GRID2: variants seen among roughly 807,000 people sequenced by gnomAD.
The protein encoded by GRID2 is glutamate ionotropic receptor delta type subunit 2.
GRID2 carries 33 observed loss-of-function variants against 114.8 expected under a neutral mutation model. The ratio of observed to expected loss-of-function variants is 0.29; its 90% CI spans 0.22 to 0.38. The LOEUF is 0.38. GRID2 is among the 10% of genes least tolerant of loss of function. GRID2 has a pLI of 1.00. For synonymous variants in GRID2, 505 were observed against 449.9 expected (o/e 1.12, Z -1.55); for missense variants, 1,184 against 1,257.7 (o/e 0.94, Z 0.89).
At chr4:92,334,123 A>C (rs1207722310) in intron 1 of GRID2, among the ~76,000 whole-genome samples, 3 of 152,156 alleles carry the variant, frequency 2.0e-5, no homozygotes, top group Non-Finnish European at 4.4e-5. Flanking sequence ...TTGCTACTTT[A>C]TAACAAGGAT....
chr4:93,768,127 A>ACT (rs541982092), intron 14 of GRID2, among the ~76,000 whole-genome samples: 130 of 152,024 alleles, frequency 8.6e-4, no homozygotes, highest in African/African-American at 3.1e-3. Context: ...CTCTGTCCAC[A>ACT]CTCTACAAAC....
At chr4:93,302,491 G>A (rs1251056772) in intron 8 of GRID2, 2 of 445,966 alleles carry the variant, frequency 4.5e-6, no homozygotes, top group East Asian at 7.0e-5. Flanking sequence ...ACTGAGCAAT[G>A]CGAACATAAT....
At chr4:93,524,763 G>GA (rs1394601979) in intron 13 of GRID2, among the ~76,000 whole-genome samples, 1 of 106,022 alleles carries the variant, frequency 9.4e-6, no homozygotes, top group Non-Finnish European at 1.9e-5. Context: ...TAGATGCCAA[G>GA]AAAAAATATA....
At chr4:93,693,601 T>C (rs540781323) in intron 14 of GRID2, among the ~76,000 whole-genome samples, 1 of 152,284 alleles carries the variant, frequency 6.6e-6, no homozygotes, top group Admixed American at 6.5e-5. Flanking sequence ...CTGAGCATGG[T>C]TGAGTGGTAG....
intron 1 of GRID2, among the ~76,000 whole-genome samples, chr4:92,484,593 A>G: frequency 6.6e-6 from 1 of 152,064 alleles, no homozygotes. Flanking sequence ...ATAATTTTAT[A>G]TAATATTTTA....
intron 8 of GRID2, among the ~76,000 whole-genome samples, chr4:93,262,438 T>A (rs1438741045): frequency 2.0e-5 from 3 of 151,956 alleles, no homozygotes; most frequent in Admixed American, 1.3e-4. Context: ...GGCCCAAATA[T>A]GGAGTCTTCA....
At chr4:93,198,357 A>G (rs1328253275) in intron 4 of GRID2, among the ~76,000 whole-genome samples, 1 of 152,122 alleles carries the variant, frequency 6.6e-6, no homozygotes, top group Non-Finnish European at 1.5e-5. Flanking sequence ...TGATCATAGA[A>G]GTCATGCCTG....
intron 1 of GRID2, among the ~76,000 whole-genome samples, chr4:92,429,458 A>C (rs961150531): frequency 1.3e-5 from 2 of 152,112 alleles, no homozygotes; most frequent in Non-Finnish European, 2.9e-5. Flanking sequence ...ATAGTACCCC[A>C]TTCTGTATGT....
intron 2 of GRID2, among the ~76,000 whole-genome samples, chr4:92,888,984 C>T (rs1473685519): frequency 6.6e-6 from 1 of 151,854 alleles, no homozygotes; most frequent in African/African-American, 2.4e-5. Flanking sequence ...CCTTTATCTT[C>T]TCTTATTTAG....
intron 1 of GRID2, among the ~76,000 whole-genome samples, chr4:92,449,511 T>G (rs1287145984): frequency 6.6e-6 from 1 of 151,448 alleles, no homozygotes; most frequent in Non-Finnish European, 1.5e-5. Flanking sequence ...AAATATGTCT[T>G]TTTGGAAAAT....
At chr4:93,004,141 AT>A (rs1721273873) in intron 2 of GRID2, among the ~76,000 whole-genome samples, 1 of 151,952 alleles carries the variant, frequency 6.6e-6, no homozygotes, top group Non-Finnish European at 1.5e-5. Context: ...GACATATCAC[AT>A]TTTAGGAGAG....
chr4:93,000,398 T>A (rs17020070), intron 2 of GRID2, among the ~76,000 whole-genome samples: 2,977 of 151,688 alleles, frequency 0.02, 46 homozygotes, highest in East Asian at 0.053. Flanking sequence ...TTAGATGAAG[T>A]TTCTGATATA....
intron 14 of GRID2, among the ~76,000 whole-genome samples, chr4:93,756,868 T>A (rs1732794641): frequency 6.6e-6 from 1 of 152,218 alleles, no homozygotes. Context: ...ATGAAATACA[T>A]ATTTTAAGAT....
intron 10 of GRID2, among the ~76,000 whole-genome samples, chr4:93,453,166 T>C (rs2149407835): frequency 6.6e-6 from 1 of 151,708 alleles, no homozygotes; most frequent in East Asian, 2.0e-4. Context: ...GCTTGGCCTT[T>C]TTTTAAATTT....
At chr4:92,864,690 T>C (rs1038767879) in intron 2 of GRID2, among the ~76,000 whole-genome samples, 5 of 152,280 alleles carry the variant, frequency 3.3e-5, no homozygotes, top group Middle Eastern at 3.4e-3. Flanking sequence ...CTACTAGGCC[T>C]TTCCATCTGA....
chr4:93,374,036 C>T (rs182986707), intron 8 of GRID2, among the ~76,000 whole-genome samples: 7 of 152,214 alleles, frequency 4.6e-5, no homozygotes, highest in East Asian at 3.9e-4. Flanking sequence ...TGGTTTAAAA[C>T]GCAGCATGCA....
chr4:92,319,400 T>G (rs764561228), intron 1 of GRID2, among the ~76,000 whole-genome samples: 10 of 152,220 alleles, frequency 6.6e-5, no homozygotes, highest in Non-Finnish European at 1.3e-4. Flanking sequence ...TCCAATGGAA[T>G]AGTTCATTTT....
At chr4:93,333,286 G>T (rs552957882) in intron 8 of GRID2, among the ~76,000 whole-genome samples, 1 of 152,238 alleles carries the variant, frequency 6.6e-6, no homozygotes, top group East Asian at 1.9e-4. Context: ...AATGAAGCTT[G>T]AGATACTACA....
At chr4:93,777,107 C>T (rs1441482638), downstream of GRID2, among the ~76,000 whole-genome samples, 1 of 152,124 alleles carries the variant, frequency 6.6e-6, no homozygotes, top group Non-Finnish European at 1.5e-5. Flanking sequence ...TTCAGGCTGC[C>T]CACCATGATG....
Sources: allele counts gnomAD v4.1 joint callset (sites outside exome capture counted in the v4.1 genomes callset), GRCh38; gene constraint gnomAD v4.1.1; transcripts MANE v1.5; gene names NCBI Gene and HGNC (gene_info 2026-07-23, HGNC 2026-07-21).